The following UBA3 variants were observed in gnomAD, a reference collection of about 807,000 sequenced individuals.
The protein encoded by UBA3 is NEDD8-activating enzyme E1 catalytic subunit.
UBA3 carries 26 observed loss-of-function variants against 73.5 expected under a neutral mutation model. The observed-to-expected ratio is 0.35, with a 90% CI of 0.26 to 0.49. The LOEUF (loss-of-function observed/expected upper bound fraction) is 0.49, where lower values mean the gene tolerates loss of function less well. Ranked by LOEUF, UBA3 falls within the 20% of genes least tolerant of loss-of-function variation. The pLI is 0.98. For missense variants in UBA3, 495 were observed against 555.6 expected, an observed-to-expected ratio of 0.89 and a Z score of 1.10; for synonymous variants, 217 against 191.2, an observed-to-expected ratio of 1.13 and a Z score of -1.11.
chr3:69,072,694 T>A (rs1198563065), intron 4 of UBA3, among the ~76,000 whole-genome samples: 1 of 152,242 alleles, frequency 6.6e-6, no homozygotes, highest in Admixed American at 6.5e-5. Flanking sequence ...TCAGACCATC[T>A]TGTAAGATAT....
intron 3 of UBA3, among the ~76,000 whole-genome samples, chr3:69,077,118 T>A (rs185943466): frequency 3.9e-5 from 6 of 151,938 alleles, no homozygotes; most frequent in Non-Finnish European, 7.4e-5. Flanking sequence ...TTTTTTTTTT[T>A]TTTATTTTTA....
intron 6 of UBA3, among the ~76,000 whole-genome samples, chr3:69,066,364 C>A (rs1049138421): frequency 6.6e-6 from 1 of 152,156 alleles, no homozygotes; most frequent in Non-Finnish European, 1.5e-5. Flanking sequence ...CCATACCCCA[C>A]CTTTTACAGG....
At chr3:69,057,202 C>T (rs191131430) in intron 12 of UBA3, 54 bp downstream of exon 12, 10 of 1,557,116 alleles carry the variant, frequency 6.4e-6, no homozygotes, top group African/African-American at 1.4e-5. Flanking sequence ...GCTGCAGCAA[C>T]GTCAAAAACT....
rs777501695 is a variant in UBA3 at position 69,080,320 on chromosome 3, G to A, written c.20+14C>T. The A allele has an allele frequency of 1.9e-6, 3 of 1,604,200 alleles. No homozygotes were observed. The highest frequency in any genetic ancestry group is 2.5e-6 in the Non-Finnish European group (3 of 1,177,240). On this transcript the variant is annotated intron_variant, in intron 1 of 17. Transcript: ENST00000361055. ...CAGCCCAGCCCGGCGCGTCTGCAGA[G>A]CCCCGGTACTTACGGCTCCTCGCCA...
chr3:69,077,935 A>T lies in UBA3; in HGVS notation c.63-17T>A. The T allele has an allele frequency of 6.2e-7, 1 of 1,610,302 alleles. No homozygotes were observed. Among genetic ancestry groups the T allele is most frequent in the Non-Finnish European group, 8.5e-7 (1 of 1,178,830 alleles). On this transcript the variant is annotated splice_polypyrimidine_tract_variant and intron_variant, in intron 2 of 17. Coordinates refer to ENST00000361055, the MANE Select transcript of UBA3 (RefSeq NM_003968.4). Reference sequence around the variant, plus strand: ...ACAGCCATTCTGCACAGAACACAGTAAATTCAGCTGCAAAGATCAGTATGA... The same window carrying T: ...ACAGCCATTCTGCACAGAACACAGTTAATTCAGCTGCAAAGATCAGTATGA...
At chr3:69,071,740 C>T in intron 4 of UBA3, 123 bp from the exon 5 acceptor site, 1 of 588,616 alleles carries the variant, frequency 1.7e-6, no homozygotes. Flanking sequence ...AATTTGTATT[C>T]AATGGCTGAA....
intron 11 of UBA3, among the ~76,000 whole-genome samples, chr3:69,061,364 T>C (rs763536099): frequency 9.2e-5 from 14 of 152,166 alleles, no homozygotes; most frequent in Non-Finnish European, 1.5e-4. Flanking sequence ...CCCAGCTAAT[T>C]TTGTATTTTT....
In UBA3 at chr3:69,063,029, C is replaced by T. The variant is rs528228237; in HGVS notation, c.646G>A (p.Gly216Arg). 1.9e-6 allele frequency: 3 copies of T among 1,614,020 alleles called. No homozygotes were observed. The highest frequency in any genetic ancestry group is 2.7e-5 in the African/African-American group (2 of 75,008). Residue 216 changes from glycine to arginine, a missense_variant, in exon 9 of 18, where the codon GGA becomes AGA. Transcript: ENST00000361055. The part of the protein sequence containing the change: ...FKGNARVILP[G>R]MTACIECTLE... ...GTGCATTCGATACAAGCAGTCATTC[C>T]AGGCAGAATCACCCGGGCATTTCCT...
intron 13 of UBA3, 30 bp from the exon 14 acceptor site, chr3:69,056,723 A>G: frequency 1.2e-6 from 2 of 1,608,886 alleles, no homozygotes; most frequent in Non-Finnish European, 1.7e-6. Flanking sequence ...ATCTTTATAT[A>G]ATTAAACCAA....
chr3:69,080,266 A>G (rs2092208110), intron 1 of UBA3, 68 bp downstream of exon 1: 1 of 1,581,458 alleles, frequency 6.3e-7, no homozygotes, highest in Non-Finnish European at 8.6e-7. Context: ...GGCGGCGGCA[A>G]CCGCCCACCG....
At chr3:69,058,657 G>T (rs2091997121) in intron 11 of UBA3, among the ~76,000 whole-genome samples, 1 of 152,218 alleles carries the variant, frequency 6.6e-6, no homozygotes, top group Non-Finnish European at 1.5e-5. Flanking sequence ...AGTGAAGCGT[G>T]TAAGAGACAC....
chr3:69,058,231 A>T (rs2091993168), intron 11 of UBA3, among the ~76,000 whole-genome samples: 1 of 152,180 alleles, frequency 6.6e-6, no homozygotes, highest in Non-Finnish European at 1.5e-5. Context: ...TATTATTCAC[A>T]TATTAGGAAT....
chr3:69,055,396 T>C lies in UBA3; in HGVS notation c.*41A>G. On this transcript the variant is annotated 3_prime_UTR_variant, in exon 18 of 18. Transcript: ENST00000361055. ...ATTCAACTTCTTAGCATCCACAAAG[T>C]ATATTATTTCCATGAGTTTTCTATT... 2 of 1,296,522 alleles carry C rather than the reference T, an allele frequency of 1.5e-6. No individual in the cohort carries two copies. The highest frequency in any genetic ancestry group is 2.1e-6 in the Non-Finnish European group (2 of 962,740). The allele number at this position is 1,296,522 out of a possible 1,614,324, so 80.3% of individuals were successfully genotyped here.
chr3:69,065,901 T>C (rs1317006840), intron 6 of UBA3, among the ~76,000 whole-genome samples: 1 of 152,144 alleles, frequency 6.6e-6, no homozygotes, highest in Non-Finnish European at 1.5e-5. Context: ...GTGCTTTTCG[T>C]CATCCTTTTT....
chr3:69,067,806 T>C, intron 6 of UBA3, 122 bp downstream of exon 6: 1 of 608,360 alleles, frequency 1.6e-6, no homozygotes, highest in South Asian at 2.3e-5. Context: ...ATCTCAGTAA[T>C]AAAGTTACTA....
chr3:69,055,751 T>C (rs1167915867), intron 17 of UBA3, 100 bp downstream of exon 17: 3 of 1,166,300 alleles, frequency 2.6e-6, no homozygotes, highest in African/African-American at 3.1e-5. Context: ...CCTGACCATA[T>C]ACAAGGCATT....
chr3:69,070,654 GTTTTGT>G (rs751004381), intron 5 of UBA3, among the ~76,000 whole-genome samples: 7 of 152,138 alleles, frequency 4.6e-5, no homozygotes, highest in East Asian at 3.9e-4. Context: ...TTTTTGGGTT[GTTTTGT>G]TTTTGTTTTT....
chr3:69,064,452 C>A (rs888361088), intron 6 of UBA3, among the ~76,000 whole-genome samples: 1 of 152,164 alleles, frequency 6.6e-6, no homozygotes, highest in Non-Finnish European at 1.5e-5. Context: ...TCATCAGCAT[C>A]AAGAAGAGAT....
At chr3:69,079,849 C>T in intron 2 of UBA3, 1 of 486,448 alleles carries the variant, frequency 2.1e-6, no homozygotes, top group Non-Finnish European at 3.6e-6. Context: ...TTCCTCAAGA[C>T]CTTTACGTCA....
Sources: gnomAD v4.1 joint callset for allele counts (sites outside exome capture counted in the v4.1 genomes callset) on GRCh38, gnomAD v4.1.1 for gene constraint, MANE v1.5 for transcripts, NCBI Gene and HGNC (gene_info 2026-07-23, HGNC 2026-07-21) for gene names.